POLR3F: variants seen among roughly 807,000 people sequenced by gnomAD.
POLR3F encodes the protein RNA polymerase III subunit F.
POLR3F carries 31 observed loss-of-function variants against 43.6 expected under a neutral mutation model. That is an observed-to-expected ratio of 0.71 (90% CI 0.53 to 0.96). POLR3F has a LOEUF of 0.96. Among genes scored for constraint, POLR3F ranks in the 40% least tolerant of loss-of-function variants. The probability of loss-of-function intolerance (pLI) is 0.00; values close to 1 mark genes in which losing one functional copy is unlikely to be tolerated. For missense variants in POLR3F, 316 were observed against 391.7 expected, an observed-to-expected ratio of 0.81 and a Z score of 1.63; for synonymous variants, 114 against 132.5, an observed-to-expected ratio of 0.86 and a Z score of 0.96.
intron 5 of POLR3F, among the ~76,000 whole-genome samples, chr20:18,475,841 GT>G (rs2059777105): frequency 6.6e-6 from 1 of 152,148 alleles, no homozygotes; most frequent in African/African-American, 2.4e-5. Flanking sequence ...GCTTACATAT[GT>G]TGCTTCAAGT....
At chr20:18,479,635 G>A (rs1222016065) in intron 5 of POLR3F, among the ~76,000 whole-genome samples, 1 of 152,172 alleles carries the variant, frequency 6.6e-6, no homozygotes, top group Non-Finnish European at 1.5e-5. Flanking sequence ...GTATCTGAAT[G>A]TAAATCAAAG....
chr20:18,474,481 G>A (rs1235419511), intron 4 of POLR3F, among the ~76,000 whole-genome samples: 1 of 151,800 alleles, frequency 6.6e-6, no homozygotes, highest in African/African-American at 2.4e-5. Flanking sequence ...TTGCATCCAT[G>A]ATTTTTCCTT....
chr20:18,480,590 A>G, intron 7 of POLR3F, 81 bp downstream of exon 7: 2 of 747,790 alleles, frequency 2.7e-6, no homozygotes, highest in South Asian at 1.7e-5. Flanking sequence ...TTTGACCCAC[A>G]TTGTTTTTTT....
rs559193242 is a variant in POLR3F, at chr20:18,478,449, A to C, written c.430-1589A>C. Among the ~76,000 whole-genome samples the C allele has an allele frequency of 7.2e-5, 11 of 152,178 alleles. No homozygotes were observed. The East Asian group carries it at 2.1e-3, about 29-fold the overall frequency. ...AGGCCTGTCTTGAACTCCTAGACTT[A>C]AAGATCTGCCCACCTCAGCCTCCCA... On this transcript the variant is annotated intron_variant, in intron 5 of 8. Coordinates refer to ENST00000377603, the MANE Select transcript of POLR3F (RefSeq NM_006466.4).
intron 2 of POLR3F, among the ~76,000 whole-genome samples, chr20:18,470,416 C>T (rs2059743309): frequency 6.6e-6 from 1 of 152,224 alleles, no homozygotes; most frequent in African/African-American, 2.4e-5. Context: ...GTCACAACTA[C>T]ACTGTCATTT....
chr20:18,468,342 T>A (rs2059716968), intron 1 of POLR3F, among the ~76,000 whole-genome samples: 2 of 152,244 alleles, frequency 1.3e-5, no homozygotes, highest in Admixed American at 6.5e-5. Flanking sequence ...CCCAAAGTGC[T>A]GGGATTACAG....
At chr20:18,472,819 T>C (rs984799261) in intron 2 of POLR3F, 23 bp from the exon 3 acceptor site, 5 of 1,130,066 alleles carry the variant, frequency 4.4e-6, no homozygotes, top group Non-Finnish European at 6.4e-6. Flanking sequence ...CTGACTCCTG[T>C]TTTCTACTGT....
At position 18,483,951 on chromosome 20, in the gene POLR3F, T is replaced by G; in HGVS notation, c.*393T>G. On this transcript the variant is annotated 3_prime_UTR_variant, in exon 9 of 9. Transcript: ENST00000377603. ...ATTTATTAAGTTCTTCATTGGAAGT[T>G]TTTTTTTATATCTGGTTCACTACCA... 2.5e-6 allele frequency: 1 copy of G among 396,958 alleles called. No individual in the cohort carries two copies. Among genetic ancestry groups the G allele is most frequent in the Non-Finnish European group, 4.4e-6 (1 of 225,556 alleles). The allele number at this position is 396,958 out of a possible 1,614,324, so 24.6% of individuals were successfully genotyped here. A position where few individuals can be genotyped will look rare whatever the true frequency, so the allele number is the denominator to read the frequency against.
At chr20:18,482,995 A>G (rs1486397939) in intron 8 of POLR3F, among the ~76,000 whole-genome samples, 1 of 152,112 alleles carries the variant, frequency 6.6e-6, no homozygotes, top group Non-Finnish European at 1.5e-5. Flanking sequence ...TTAATGCCAC[A>G]GTAAAAAAAG....
At position 18,468,994 on chromosome 20, in the gene POLR3F, T is replaced by C; in HGVS notation, c.113T>C (p.Ile38Thr). ...CCTCATGGAATCACAGACCAAGTAATTCAGAATGAAATGCCTCATATAGAA... is the reference window on the plus strand; with the variant it reads ...CCTCATGGAATCACAGACCAAGTAACTCAGAATGAAATGCCTCATATAGAA... ...QFPHGITDQVIQNEMPHIEAQ... is the reference protein window; with the variant it reads ...QFPHGITDQVTQNEMPHIEAQ... The change falls in exon 2 of 9, where the codon ATT becomes ACT. Residue 38 changes from isoleucine (I) to threonine (T), a missense_variant. Ile to Thr is a moderately conservative substitution (Grantham distance 89). Around this residue, in one of 3 missense-constraint regions of POLR3F, gnomAD observed 122 missense variants for 133.8 expected, o/e 0.91. Coordinates refer to ENST00000377603, the MANE Select transcript of POLR3F (RefSeq NM_006466.4). The C allele has an allele frequency of 6.3e-7, 1 of 1,598,992 alleles. No homozygotes were observed. Among genetic ancestry groups the C allele is most frequent in the Admixed American group, 1.7e-5 (1 of 60,000 alleles).
At chr20:18,480,737 A>C (rs748687396) in intron 7 of POLR3F, among the ~76,000 whole-genome samples, 2 of 151,674 alleles carry the variant, frequency 1.3e-5, no homozygotes, top group Non-Finnish European at 2.9e-5. Flanking sequence ...TGCTTTTTTT[A>C]TTTTTTTGGA....
At chr20:18,478,218 C>CTT (rs775165488) in intron 5 of POLR3F, among the ~76,000 whole-genome samples, 3 of 141,008 alleles carry the variant, frequency 2.1e-5, no homozygotes, top group African/African-American at 2.6e-5. Flanking sequence ...AAATTTTTTT[C>CTT]TTTTTTTTTT....
At chr20:18,478,764 T>C (rs1327171874) in intron 5 of POLR3F, among the ~76,000 whole-genome samples, 1 of 152,210 alleles carries the variant, frequency 6.6e-6, no homozygotes, top group Non-Finnish European at 1.5e-5. Context: ...TGAGAAGGCC[T>C]AGAAGTGATG....
chr20:18,479,795 A>T (rs1427686142), intron 5 of POLR3F, among the ~76,000 whole-genome samples: 1 of 152,218 alleles, frequency 6.6e-6, no homozygotes, highest in Non-Finnish European at 1.5e-5. Context: ...GGACTAATGA[A>T]ATCTGAATAA....
At chr20:18,476,999 A>C (rs1208479908) in intron 5 of POLR3F, among the ~76,000 whole-genome samples, 3 of 150,874 alleles carry the variant, frequency 2.0e-5, no homozygotes, top group Non-Finnish European at 3.0e-5. Context: ...GCTTGAACCC[A>C]GGAGGCAGAG....
chr20:18,470,838 A>G (rs1359183658), intron 2 of POLR3F: 2 of 152,312 alleles, frequency 1.3e-5, no homozygotes, highest in Admixed American at 1.3e-4. Context: ...TAAATCATGT[A>G]ATGTTTCTGA....
intron 2 of POLR3F, 105 bp downstream of exon 2, chr20:18,469,166 C>T (rs1361059737): frequency 5.5e-6 from 4 of 721,318 alleles, no homozygotes; most frequent in African/African-American, 1.8e-5. Flanking sequence ...GACTAAGATA[C>T]AGGATTCCTA....
chr20:18,473,491 A>C, intron 4 of POLR3F, 33 bp downstream of exon 4: 1 of 1,112,030 alleles, frequency 9.0e-7, no homozygotes, highest in Non-Finnish European at 1.4e-6. Context: ...AGAAAAAAAC[A>C]TTGTCTTTGG....
Position 18,472,881 on chromosome 20 carries a change from T to C in POLR3F, c.220T>C (p.Tyr74His), listed in dbSNP as rs771500145. Residue 74 changes from tyrosine to histidine, a missense_variant, in exon 3 of 9, where the codon TAT (tyrosine) becomes CAT (histidine). Transcript: ENST00000377603. ...CTTAAGGAGCAATACGGGCCTTTTA[T>C]ATAGAATAAAGGACTCTCAGAATGC... ...DLLRSNTGLL[Y>H]RIKDSQNAGK... 1.3e-6 allele frequency: 2 copies of C among 1,519,342 alleles called. No homozygotes were observed. Among genetic ancestry groups the C allele is most frequent in the East Asian group, 2.3e-5 (1 of 43,258 alleles). The allele number at this position is 1,519,342 out of a possible 1,614,324, so 94.1% of individuals were successfully genotyped here.
Sources: gnomAD v4.1 joint callset for allele counts (sites outside exome capture counted in the v4.1 genomes callset) on GRCh38, gnomAD v4.1.1 for gene constraint, gnomAD v4.1.1 regional missense constraint, MANE v1.5 for transcripts, NCBI Gene and HGNC (gene_info 2026-07-23, HGNC 2026-07-21) for gene names.